Variants in GPHN observed in about 807,000 individuals in gnomAD.
GPHN encodes the protein gephyrin.
A neutral mutation model predicts 95.5 loss-of-function variants in GPHN; 17 were observed. The ratio of observed to expected loss-of-function variants is 0.18; its 90% confidence interval spans 0.12 to 0.27. The LOEUF (loss-of-function observed/expected upper bound fraction) is 0.27, where lower values mean the gene tolerates loss of function less well. GPHN is among the 10% of genes least tolerant of loss of function. The probability of loss-of-function intolerance (pLI) is 1.00; values close to 1 mark genes in which losing one functional copy is unlikely to be tolerated. For synonymous variants in GPHN, 320 were observed against 322.5 expected, an observed-to-expected ratio of 0.99 and a Z score of 0.08; for missense variants, 660 against 978.1, an observed-to-expected ratio of 0.67 and a Z score of 4.34.
chr14:66,650,833 C>T (rs2065006571), intron 1 of GPHN, among the ~76,000 whole-genome samples: 1 of 152,168 alleles, frequency 6.6e-6, no homozygotes, highest in South Asian at 2.1e-4. Flanking sequence ...GCTACCATTA[C>T]TTGACAGCTT....
chr14:67,360,081 A>C, the GPHN span: 1 of 427,054 alleles, frequency 2.3e-6, no homozygotes, highest in Non-Finnish European at 4.1e-6. Flanking sequence ...CTTTGGTCAC[A>C]GCGCCATCTC....
At chr14:67,656,465 A>T in the GPHN span, 1 of 1,613,442 alleles carries the variant, frequency 6.2e-7, no homozygotes, top group Non-Finnish European at 8.5e-7. Context: ...CAGCTCTTCT[A>T]TGATTTCTGA....
chr14:66,543,700 ACTTCT>A (rs1183841810), intron 1 of GPHN, among the ~76,000 whole-genome samples: 2 of 152,074 alleles, frequency 1.3e-5, no homozygotes, highest in African/African-American at 4.8e-5. Flanking sequence ...TATCCTTGAG[ACTTCT>A]CTTGCTTTCT....
intron 1 of GPHN, among the ~76,000 whole-genome samples, chr14:66,564,421 CT>C (rs1229666061): frequency 6.6e-6 from 1 of 152,082 alleles, no homozygotes; most frequent in African/African-American, 2.4e-5. Flanking sequence ...AATATATTAT[CT>C]TTTACTTTTC....
At chr14:66,835,011 C>T (rs1193540449) in intron 4 of GPHN, among the ~76,000 whole-genome samples, 1 of 147,864 alleles carries the variant, frequency 6.8e-6, no homozygotes, top group African/African-American at 2.5e-5. Context: ...GGAATTTATC[C>T]ATTTCTTCTA....
the GPHN span, among the ~76,000 whole-genome samples, chr14:67,642,752 T>C: frequency 0.014 from 2,151 of 150,450 alleles, 59 homozygotes; most frequent in African/African-American, 0.05. Context: ...TTTCTGCTAA[T>C]AGACCTGTTA....
the GPHN span, chr14:67,562,848 T>C: frequency 6.2e-7 from 1 of 1,613,578 alleles, no homozygotes; most frequent in Non-Finnish European, 8.5e-7. Flanking sequence ...GAAGTGGAGC[T>C]GGGTAACAAG....
At chr14:67,227,073 C>T in the GPHN span, among the ~76,000 whole-genome samples, 2 of 152,294 alleles carry the variant, frequency 1.3e-5, no homozygotes, top group Admixed American at 6.5e-5. Context: ...ATTAGGGTCT[C>T]ATTAACAGAG....
chr14:66,655,747 A>AT (rs749822464), intron 1 of GPHN, among the ~76,000 whole-genome samples: 2 of 151,552 alleles, frequency 1.3e-5, no homozygotes, highest in African/African-American at 4.8e-5. Flanking sequence ...AAACAATGCT[A>AT]TTTTTTACCA....
chr14:67,497,988 G>C, the GPHN span, among the ~76,000 whole-genome samples: 17 of 152,086 alleles, frequency 1.1e-4, no homozygotes, highest in African/African-American at 1.7e-4. Flanking sequence ...AGGTCTCTCT[G>C]ACCTTCTCCC....
chr14:66,802,559 A>G (rs1338153992), intron 3 of GPHN, among the ~76,000 whole-genome samples: 4 of 152,160 alleles, frequency 2.6e-5, no homozygotes, highest in African/African-American at 9.7e-5. Context: ...ACAGGTGGGA[A>G]TGTGCAGAAT....
chr14:67,496,237 G>A, the GPHN span, among the ~76,000 whole-genome samples: 1 of 151,862 alleles, frequency 6.6e-6, no homozygotes, highest in African/African-American at 2.4e-5. Context: ...TTTATTTTGA[G>A]ACCAGGTTAT....
At chr14:67,144,723 G>T (rs1036826292) in intron 18 of GPHN, among the ~76,000 whole-genome samples, 1 of 152,132 alleles carries the variant, frequency 6.6e-6, no homozygotes, top group Non-Finnish European at 1.5e-5. Flanking sequence ...TTTATAACCT[G>T]ACTCTTTGGA....
intron 5 of GPHN, among the ~76,000 whole-genome samples, chr14:66,899,512 T>C (rs1208986392): frequency 3.9e-5 from 6 of 151,968 alleles, no homozygotes; most frequent in Non-Finnish European, 4.4e-5. Context: ...CCTGTGTTAA[T>C]TGATATGATT....
At chr14:67,056,097 G>T (rs147211472) in intron 10 of GPHN, among the ~76,000 whole-genome samples, 200 of 152,352 alleles carry the variant, frequency 1.3e-3, no homozygotes, top group African/African-American at 4.4e-3. Context: ...ACAGCATGGA[G>T]GGGGACCCCA....
At chr14:67,704,665 G>A in the GPHN span, among the ~76,000 whole-genome samples, 4 of 152,200 alleles carry the variant, frequency 2.6e-5, no homozygotes, top group Non-Finnish European at 5.9e-5. Context: ...GCCCTCATGC[G>A]ACTGGAAAAG....
At chr14:66,602,292 T>G (rs1268073964) in intron 1 of GPHN, among the ~76,000 whole-genome samples, 1 of 151,996 alleles carries the variant, frequency 6.6e-6, no homozygotes, top group Non-Finnish European at 1.5e-5. Flanking sequence ...GTCCTTATAT[T>G]TAGCTTTATA....
At chr14:67,208,590 T>C in the GPHN span, 1 of 950,098 alleles carries the variant, frequency 1.1e-6, no homozygotes, top group Non-Finnish European at 1.5e-6. Flanking sequence ...GATGATATAG[T>C]CAACTCTGAA....
the GPHN span, among the ~76,000 whole-genome samples, chr14:67,212,027 A>G: frequency 5.3e-5 from 8 of 152,180 alleles, no homozygotes; most frequent in African/African-American, 1.7e-4. Context: ...CTTATAATGT[A>G]ATCTTAACCA....
Sources: gnomAD v4.1 joint callset for allele counts (sites outside exome capture counted in the v4.1 genomes callset) on GRCh38, gnomAD v4.1.1 for gene constraint, MANE v1.5 for transcripts, NCBI Gene and HGNC (gene_info 2026-07-23, HGNC 2026-07-21) for gene names.